CMTM7: variants seen among roughly 807,000 people sequenced by gnomAD.
CMTM7 encodes CKLF-like MARVEL transmembrane domain-containing protein 7.
A neutral mutation model predicts 19.3 loss-of-function variants in CMTM7; 7 were observed. The ratio of observed to expected loss-of-function variants is 0.36; its 90% CI spans 0.21 to 0.68. The LOEUF is 0.68. Among genes scored for constraint, CMTM7 ranks in the 30% least tolerant of loss-of-function variants. The probability of loss-of-function intolerance (pLI) is 0.60; values close to 1 mark genes in which losing one functional copy is unlikely to be tolerated. For synonymous variants in CMTM7, 87 were observed against 99.3 expected (o/e 0.88, Z 0.74); for missense variants, 193 against 232.6 (o/e 0.83, Z 1.11).
At chr3:32,412,480 G>GAC (rs3081435) in intron 1 of CMTM7, among the ~76,000 whole-genome samples, 2,509 of 120,242 alleles carry the variant, frequency 0.021, 43 homozygotes, top group Middle Eastern at 0.026. Flanking sequence ...GATTGAGACT[G>GAC]ACACACACAC....
intron 1 of CMTM7, among the ~76,000 whole-genome samples, chr3:32,400,888 G>A (rs945191995): frequency 1.3e-5 from 2 of 152,198 alleles, no homozygotes; most frequent in African/African-American, 4.8e-5. Flanking sequence ...GAATCCTGGT[G>A]TACAAATCTG....
At chr3:32,424,866 A>G (rs1221769389) in intron 1 of CMTM7, among the ~76,000 whole-genome samples, 1 of 152,138 alleles carries the variant, frequency 6.6e-6, no homozygotes, top group East Asian at 1.9e-4. Context: ...GGCTGGTCTC[A>G]AAGTCCTGAG....
intron 1 of CMTM7, among the ~76,000 whole-genome samples, chr3:32,395,466 A>G (rs1413097713): frequency 1.3e-5 from 2 of 152,232 alleles, no homozygotes; most frequent in Non-Finnish European, 2.9e-5. Context: ...AAGAGACACT[A>G]AAGTCACACA....
intron 3 of CMTM7, chr3:32,452,163 T>G: frequency 1.3e-6 from 2 of 1,503,598 alleles, no homozygotes; most frequent in African/African-American, 1.4e-5. Context: ...GAGGCCTGGC[T>G]GCCAGCCCTG....
At chr3:32,407,020 TG>T (rs1479327706) in intron 1 of CMTM7, among the ~76,000 whole-genome samples, 4 of 152,148 alleles carry the variant, frequency 2.6e-5, no homozygotes, top group African/African-American at 9.7e-5. Flanking sequence ...CCGCAGTAGC[TG>T]GGGGATGGAT....
intron 1 of CMTM7, among the ~76,000 whole-genome samples, chr3:32,395,549 T>C (rs1695903031): frequency 6.6e-6 from 1 of 152,052 alleles, no homozygotes; most frequent in Admixed American, 6.5e-5. Context: ...TCTGGCAGAG[T>C]TGTTGCTTGT....
intron 1 of CMTM7, among the ~76,000 whole-genome samples, chr3:32,410,273 G>A (rs962849174): frequency 6.6e-6 from 1 of 152,218 alleles, no homozygotes; most frequent in Non-Finnish European, 1.5e-5. Flanking sequence ...GACCTGAGCT[G>A]CAGAGGGGCA....
chr3:32,450,148 T>A (rs981716853), intron 3 of CMTM7, among the ~76,000 whole-genome samples: 1 of 152,246 alleles, frequency 6.6e-6, no homozygotes, highest in Non-Finnish European at 1.5e-5. Flanking sequence ...TGCTATTTTT[T>A]TAAAGATTCA....
intron 1 of CMTM7, among the ~76,000 whole-genome samples, chr3:32,411,996 A>G (rs1696184091): frequency 6.6e-6 from 1 of 152,206 alleles, no homozygotes; most frequent in African/African-American, 2.4e-5. Flanking sequence ...GAGAAAAAGT[A>G]CAAGGTTTGC....
At chr3:32,399,072 G>A (rs1210127998) in intron 1 of CMTM7, among the ~76,000 whole-genome samples, 4 of 152,050 alleles carry the variant, frequency 2.6e-5, no homozygotes, top group African/African-American at 9.7e-5. Flanking sequence ...GAACAGGGTG[G>A]GAGTATTGGG....
chr3:32,428,013 A>G (rs1023124974), intron 1 of CMTM7, among the ~76,000 whole-genome samples: 3 of 152,216 alleles, frequency 2.0e-5, no homozygotes, highest in Admixed American at 2.0e-4. Flanking sequence ...CAGAGACTGC[A>G]TTGTTCATAG....
At chr3:32,417,157 A>C (rs1359700080) in intron 1 of CMTM7, among the ~76,000 whole-genome samples, 1 of 152,222 alleles carries the variant, frequency 6.6e-6, no homozygotes, top group Admixed American at 6.5e-5. Flanking sequence ...ATAGAGTTAT[A>C]GATCCGTCAC....
At chr3:32,448,445 A>G (rs1696783398) in intron 2 of CMTM7, among the ~76,000 whole-genome samples, 1 of 152,264 alleles carries the variant, frequency 6.6e-6, no homozygotes. Context: ...TCATGAAGGA[A>G]TGATTTCTAG....
At chr3:32,405,000 G>C (rs1346986879) in intron 1 of CMTM7, among the ~76,000 whole-genome samples, 1 of 152,230 alleles carries the variant, frequency 6.6e-6, no homozygotes, top group East Asian at 1.9e-4. Flanking sequence ...GAGGGCCTGT[G>C]AGGGGCCATG....
intron 1 of CMTM7, among the ~76,000 whole-genome samples, chr3:32,438,647 A>T: frequency 6.6e-6 from 1 of 152,258 alleles, no homozygotes; most frequent in Non-Finnish European, 1.5e-5. Context: ...AAAGAAAGTC[A>T]TATGGTAGAT....
intron 1 of CMTM7, among the ~76,000 whole-genome samples, chr3:32,424,812 A>G (rs1383634829): frequency 6.6e-6 from 1 of 152,108 alleles, no homozygotes; most frequent in Non-Finnish European, 1.5e-5. Flanking sequence ...CACCCAGCTA[A>G]CTTTTCAATT....
chr3:32,442,992 C>T (rs761563056), intron 2 of CMTM7, among the ~76,000 whole-genome samples: 2 of 152,168 alleles, frequency 1.3e-5, no homozygotes, highest in Admixed American at 6.5e-5. Flanking sequence ...CTACTCTGAA[C>T]GTCTCATGTA....
chr3:32,450,504 G>A (rs1054241097), intron 3 of CMTM7, among the ~76,000 whole-genome samples: 2 of 152,158 alleles, frequency 1.3e-5, no homozygotes, highest in South Asian at 2.1e-4. Flanking sequence ...GAGTGGGTTG[G>A]CTCCTGGAAT....
rs3732842 is a variant in CMTM7, at chr3:32,452,353, T to A, written c.433-39T>A. 3.5e-3 allele frequency: 5,596 copies of A among 1,614,064 alleles called. 141 individuals are homozygous for A. In the East Asian group the frequency reaches 0.073, roughly 21 times the overall value. On this transcript the variant is annotated intron_variant, in intron 3 of 4. Transcript: ENST00000334983. ...ACAGGATTGCCCGAGTAATTAGCCCTATGGCCTGTGAACTTCCTCTCCCCT... is the reference window on the plus strand; with the variant it reads ...ACAGGATTGCCCGAGTAATTAGCCCAATGGCCTGTGAACTTCCTCTCCCCT...
Sources: gnomAD v4.1 joint callset for allele counts (sites outside exome capture counted in the v4.1 genomes callset) on GRCh38, gnomAD v4.1.1 for gene constraint, MANE v1.5 for transcripts, NCBI Gene and HGNC (gene_info 2026-07-23, HGNC 2026-07-21) for gene names.